The following GRIA4 variants were observed in gnomAD, a reference collection of about 807,000 sequenced individuals.
GRIA4 encodes glutamate receptor 4.
In GRIA4, 34 loss-of-function variants were observed where a neutral mutation model predicts 104.0. That is an observed-to-expected ratio of 0.33 (90% CI 0.25 to 0.44). GRIA4 has a LOEUF of 0.44. Ranked by LOEUF, GRIA4 falls within the 20% of genes least tolerant of loss-of-function variation. The pLI, the probability that GRIA4 is intolerant of heterozygous loss-of-function variation, is 1.00. For missense variants in GRIA4, 750 were observed against 1,096.5 expected (o/e 0.68, Z 4.46); for synonymous variants, 386 against 381.9 (o/e 1.01, Z -0.13).
intron 4 of GRIA4, among the ~76,000 whole-genome samples, chr11:105,838,282 T>C (rs936233133): frequency 1.3e-5 from 2 of 152,168 alleles, no homozygotes; most frequent in African/African-American, 2.4e-5. Context: ...CACAATGATG[T>C]AGCATGTGTG....
At chr11:105,860,979 A>G (rs1945202241) in intron 4 of GRIA4, among the ~76,000 whole-genome samples, 1 of 146,940 alleles carries the variant, frequency 6.8e-6, no homozygotes, top group Non-Finnish European at 1.5e-5. Flanking sequence ...AAAAAAAAAG[A>G]GAGATGGAAA....
chr11:105,738,934 A>AC (rs1180322103), intron 3 of GRIA4, among the ~76,000 whole-genome samples: 29 of 117,730 alleles, frequency 2.5e-4, no homozygotes, highest in African/African-American at 6.7e-4. Context: ...AAAAAACAAA[A>AC]AAAAAAAAAA....
intron 11 of GRIA4, among the ~76,000 whole-genome samples, chr11:105,921,126 A>G (rs979316804): frequency 4.6e-5 from 7 of 152,152 alleles, no homozygotes; most frequent in African/African-American, 1.4e-4. Context: ...ATTGTAATGA[A>G]CAGATTGTCT....
chr11:105,731,063 A>G (rs1243170151), intron 3 of GRIA4, among the ~76,000 whole-genome samples: 1 of 152,222 alleles, frequency 6.6e-6, no homozygotes, highest in African/African-American at 2.4e-5. Flanking sequence ...TGCACAGCAA[A>G]AGAAACTATC....
intron 3 of GRIA4, among the ~76,000 whole-genome samples, chr11:105,664,868 G>A (rs369889047): frequency 2.0e-5 from 3 of 151,988 alleles, no homozygotes; most frequent in African/African-American, 4.8e-5. Context: ...AATCAATTGG[G>A]TGATTTCCAT....
At chr11:105,924,870 A>T (rs1271614703) in intron 12 of GRIA4, 101 bp downstream of exon 12, 1 of 910,150 alleles carries the variant, frequency 1.1e-6, no homozygotes, top group Non-Finnish European at 1.7e-6. Flanking sequence ...ACAGAGGACT[A>T]TTTGAAACAC....
At chr11:105,729,161 T>C (rs114303634) in intron 3 of GRIA4, among the ~76,000 whole-genome samples, 1,786 of 151,988 alleles carry the variant, frequency 0.012, 49 homozygotes, top group African/African-American at 0.041. Flanking sequence ...ATAAAAATGA[T>C]AAAGGGGAGA....
In GRIA4 at chr11:105,933,898, C is replaced by T. The variant is rs779955360; in HGVS notation, c.2223C>T (p.Asp741=). Residue 741 remains aspartate (D), a synonymous_variant, in exon 14 of 17, where the codon GAC becomes GAT. Coordinates refer to ENST00000282499, the MANE Select transcript of GRIA4 (RefSeq NM_000829.4). ...ACATTGAGCAGCGAAAGCCATGTGA[C>T]ACGATGAAAGTGGGAGGAAATCTGG... ...NEYIEQRKPC[D]TMKVGGNLDS... The T allele has an allele frequency of 3.1e-6, 5 of 1,613,114 alleles. No homozygotes were observed. The highest frequency in any genetic ancestry group is 1.1e-5 in the South Asian group (1 of 91,070).
At chr11:105,763,633 AG>A (rs1395476850) in intron 4 of GRIA4, among the ~76,000 whole-genome samples, 2 of 152,224 alleles carry the variant, frequency 1.3e-5, no homozygotes, top group Non-Finnish European at 2.9e-5. Flanking sequence ...GTTTCTTTTA[AG>A]GGTTTCATTC....
Position 105,898,884 on chromosome 11 carries a change from CT to C in GRIA4, c.885+458del, listed in dbSNP as rs201119841. On this transcript the variant is annotated intron_variant, in intron 7 of 16. Coordinates refer to ENST00000282499, the MANE Select transcript of GRIA4 (RefSeq NM_000829.4). ...TCAGGTTGTTTTCATTGTTTTCTGA[CT>C]GAAATTGTGAACATATGCTATTAAT... Among the ~76,000 whole-genome samples, 143 of 152,212 alleles carry C rather than the reference CT, an allele frequency of 9.4e-4. 1 individual carries two copies. The highest frequency in any genetic ancestry group is 3.3e-3 in the East Asian group (17 of 5,188).
intron 14 of GRIA4, 71 bp downstream of exon 14, chr11:105,934,040 A>T: frequency 7.9e-7 from 1 of 1,262,046 alleles, no homozygotes; most frequent in Non-Finnish European, 1.1e-6. Flanking sequence ...TGCCTGAGAG[A>T]ATTATTTTGT....
At chr11:105,892,953 A>C (rs554306991) in intron 6 of GRIA4, among the ~76,000 whole-genome samples, 2 of 152,208 alleles carry the variant, frequency 1.3e-5, no homozygotes, top group African/African-American at 4.8e-5. Context: ...ATAAGCATTT[A>C]TTAAACAGTG....
rs148259194 is a variant in GRIA4, at chr11:105,814,417, G to A, written c.488-47607G>A. Among the ~76,000 whole-genome samples, 1,063 of 152,226 alleles carry A rather than the reference G, an allele frequency of 7.0e-3. 23 individuals are homozygous for A. Among genetic ancestry groups the A allele is most frequent in the African/African-American group, 0.025 (1,023 of 41,540 alleles). On this transcript the variant is annotated intron_variant, in intron 4 of 16. Transcript: ENST00000282499. ...TTAATGAAAGTGTCCTGTGTATGAC[G>A]AGCCTGTGCAGAAATTAAAATGATA... is the stretch of plus-strand genomic sequence containing the variant.
At chr11:105,648,474 C>A (rs868754038) in intron 3 of GRIA4, among the ~76,000 whole-genome samples, 3 of 150,474 alleles carry the variant, frequency 2.0e-5, no homozygotes, top group Non-Finnish European at 3.0e-5. Context: ...ATGCTTTATA[C>A]GCTAAAGTTT....
intron 3 of GRIA4, among the ~76,000 whole-genome samples, chr11:105,657,207 G>A (rs1951870447): frequency 6.6e-6 from 1 of 151,864 alleles, no homozygotes; most frequent in South Asian, 2.1e-4. Context: ...AATAATTATT[G>A]TTGATTAATA....
At chr11:105,863,748 A>G (rs761305592) in intron 5 of GRIA4, among the ~76,000 whole-genome samples, 1 of 152,150 alleles carries the variant, frequency 6.6e-6, no homozygotes, top group African/African-American at 2.4e-5. Context: ...AGTTCCTGTC[A>G]GAGGGTGAGT....
chr11:105,975,752 C>T (rs1305394626), intron 16 of GRIA4, among the ~76,000 whole-genome samples: 3 of 152,016 alleles, frequency 2.0e-5, no homozygotes. Context: ...ACCAGCTAAA[C>T]ACGCTTGATT....
chr11:105,773,935 T>C (rs1387702251), intron 4 of GRIA4, among the ~76,000 whole-genome samples: 1 of 151,590 alleles, frequency 6.6e-6, no homozygotes. Context: ...AAAAATATCA[T>C]TAAAATATGG....
chr11:105,867,909 T>C (rs529371771), intron 5 of GRIA4, among the ~76,000 whole-genome samples: 1 of 152,316 alleles, frequency 6.6e-6, no homozygotes, highest in Non-Finnish European at 1.5e-5. Flanking sequence ...GGGACAGCTC[T>C]GCACTTGACA....
Sources: gnomAD v4.1 joint callset for allele counts (sites outside exome capture counted in the v4.1 genomes callset) on GRCh38, gnomAD v4.1.1 for gene constraint, MANE v1.5 for transcripts, NCBI Gene and HGNC (gene_info 2026-07-23, HGNC 2026-07-21) for gene names.